Variants in UNC79 observed in about 807,000 individuals in gnomAD.
UNC79 encodes unc-79 subunit of NALCN channel complex.
Under a neutral mutation model 283.1 loss-of-function variants are expected in UNC79, and 37 were observed. That is an observed-to-expected ratio of 0.13 (90% CI 0.10 to 0.17). The LOEUF is 0.17. Among genes scored for constraint, UNC79 ranks in the 10% least tolerant of loss-of-function variants. The probability of loss-of-function intolerance (pLI) is 1.00; values close to 1 mark genes in which losing one functional copy is unlikely to be tolerated. For synonymous variants in UNC79, 1,107 were observed against 1,200.2 expected (o/e 0.92, Z 1.61); for missense variants, 2,272 against 3,211.1 (o/e 0.71, Z 7.07).
At chr14:93,663,948 C>T (rs1433086025) in intron 40 of UNC79, among the ~76,000 whole-genome samples, 1 of 152,032 alleles carries the variant, frequency 6.6e-6, no homozygotes, top group African/African-American at 2.4e-5. Context: ...TTACAGGGGA[C>T]CTTCTAGCAT....
At chr14:93,338,908 AAAAC>A (rs1434891562) in intron 1 of UNC79, among the ~76,000 whole-genome samples, 4 of 151,948 alleles carry the variant, frequency 2.6e-5, no homozygotes, top group Admixed American at 2.6e-4. Flanking sequence ...GACCGTCTCA[AAAAC>A]AAACAAAAAA....
chr14:93,554,369 A>G (rs1195683005), intron 14 of UNC79, among the ~76,000 whole-genome samples: 1 of 151,992 alleles, frequency 6.6e-6, no homozygotes, highest in African/African-American at 2.4e-5. Flanking sequence ...AAAAAAAAAA[A>G]AATTCTGTCT....
intron 14 of UNC79, among the ~76,000 whole-genome samples, chr14:93,550,514 CAAAAAAAA>C (rs1205210121): frequency 1.8e-3 from 34 of 19,194 alleles, no homozygotes; most frequent in African/African-American, 4.3e-3. Context: ...GACTCCGTAT[CAAAAAAAA>C]AAAAAAAAAA....
chr14:93,573,556 A>G (rs1057142010), intron 16 of UNC79, among the ~76,000 whole-genome samples: 1 of 152,246 alleles, frequency 6.6e-6, no homozygotes, highest in African/African-American at 2.4e-5. Context: ...GAAAATGAGG[A>G]CAGAATCAAT....
intron 7 of UNC79, among the ~76,000 whole-genome samples, chr14:93,511,040 T>TA (rs201328414): frequency 0.014 from 2,094 of 152,206 alleles, 61 homozygotes; most frequent in African/African-American, 0.048. Context: ...TCAGGAAACT[T>TA]ACAATCATGG....
chr14:93,360,097 G>T (rs2054189063), intron 1 of UNC79, among the ~76,000 whole-genome samples: 1 of 152,090 alleles, frequency 6.6e-6, no homozygotes, highest in African/African-American at 2.4e-5. Context: ...TGGGTCCAGT[G>T]GGTCCCTGGT....
Position 93,621,776 on chromosome 14 carries a change from G to C in UNC79, c.4543G>C (p.Asp1515His), listed in dbSNP as rs1188994857. ...TGCAGACTCGCTTTTGTTTACATTA[G>C]ACGAACATCGTAGGAAGTCGTGCAT... The change falls in exon 30 of 49, where the codon GAC (aspartate) becomes CAC (histidine). Residue 1515 changes from aspartate (D) to histidine (H), a missense_variant. Transcript: ENST00000555664. The surrounding 1 kb of genome is among the most constrained non-coding windows in gnomAD (Gnocchi z 4.8). 6.2e-7 allele frequency: 1 copy of C among 1,613,574 alleles called. No individual in the cohort carries two copies. Among genetic ancestry groups the C allele is most frequent in the Non-Finnish European group, 8.5e-7 (1 of 1,179,926 alleles).
At chr14:93,605,111 C>A in intron 26 of UNC79, 150 bp downstream of exon 27, 1 of 712,318 alleles carries the variant, frequency 1.4e-6, no homozygotes, top group Non-Finnish European at 2.1e-6. Context: ...AGTGTTTGAA[C>A]CCCTGATATG....
chr14:93,695,363 C>T (rs930730989), intron 47 of UNC79, among the ~76,000 whole-genome samples: 3 of 152,152 alleles, frequency 2.0e-5, no homozygotes, highest in African/African-American at 7.2e-5. Flanking sequence ...GGAAAAGCAG[C>T]CCATTTTCAG....
At chr14:93,432,783 G>A (rs1000789333) in intron 1 of UNC79, among the ~76,000 whole-genome samples, 2 of 152,126 alleles carry the variant, frequency 1.3e-5, no homozygotes, top group African/African-American at 2.4e-5. Flanking sequence ...TTTTATTATA[G>A]TATGGTTTTT....
chr14:93,592,912 A>G (rs535773429), intron 22 of UNC79, among the ~76,000 whole-genome samples: 8 of 152,044 alleles, frequency 5.3e-5, no homozygotes, highest in African/African-American at 1.7e-4. Context: ...TCATAGCCCA[A>G]CTGTGGCTTG....
At chr14:93,591,493 AAAGT>A (rs1380390519) in intron 22 of UNC79, among the ~76,000 whole-genome samples, 1 of 152,266 alleles carries the variant, frequency 6.6e-6, no homozygotes, top group African/African-American at 2.4e-5. Flanking sequence ...TTCTTACAAT[AAAGT>A]AAGCCAGAGA....
At chr14:93,452,358 T>A (rs1371993742) in intron 1 of UNC79, among the ~76,000 whole-genome samples, 1 of 151,344 alleles carries the variant, frequency 6.6e-6, no homozygotes, top group African/African-American at 2.4e-5. Flanking sequence ...AAGAACAGAT[T>A]ACACCTGGAC....
intron 35 of UNC79, among the ~76,000 whole-genome samples, chr14:93,650,893 T>G (rs1309230743): frequency 6.6e-6 from 1 of 151,924 alleles, no homozygotes; most frequent in African/African-American, 2.4e-5. Context: ...TAATGTTTTC[T>G]TATAAAGGCT....
At chr14:93,671,368 T>A (rs2072833000) in intron 40 of UNC79, among the ~76,000 whole-genome samples, 1 of 152,150 alleles carries the variant, frequency 6.6e-6, no homozygotes, top group African/African-American at 2.4e-5. Flanking sequence ...GAGCACTGTA[T>A]AGGTAGCTTC....
intron 1 of UNC79, chr14:93,347,258 C>A: frequency 1.3e-6 from 2 of 1,599,068 alleles, no homozygotes; most frequent in East Asian, 4.5e-5. Flanking sequence ...CTTTGTCTCA[C>A]CTGACGCGAT....
chr14:93,524,078 G>T (rs1221163685), intron 8 of UNC79, 36 bp downstream of exon 8: 2 of 1,609,490 alleles, frequency 1.2e-6, no homozygotes, highest in South Asian at 1.1e-5. Flanking sequence ...ATACTGTATT[G>T]TCAGTGGTCA....
chr14:93,344,806 C>T (rs1030421995), intron 1 of UNC79, among the ~76,000 whole-genome samples: 1 of 152,160 alleles, frequency 6.6e-6, no homozygotes, highest in Non-Finnish European at 1.5e-5. Flanking sequence ...CAAGGGAAGA[C>T]TGAGAACAAG....
At chr14:93,623,496 A>G (rs2067296261) in intron 30 of UNC79, among the ~76,000 whole-genome samples, 3 of 152,266 alleles carry the variant, frequency 2.0e-5, no homozygotes, top group Non-Finnish European at 4.4e-5. Flanking sequence ...ATAACTTGAA[A>G]GAAATGGCAA....
Sources: gnomAD v4.1 joint callset for allele counts (sites outside exome capture counted in the v4.1 genomes callset) on GRCh38, gnomAD v4.1.1 for gene constraint, Gnocchi (gnomAD v3.1) non-coding constraint, MANE v1.5 for transcripts, NCBI Gene and HGNC (gene_info 2026-07-23, HGNC 2026-07-21) for gene names.